The following SYNE2 variants were observed in gnomAD, a reference collection of about 807,000 sequenced individuals.
SYNE2 encodes the protein nesprin-2.
SYNE2 carries 431 observed loss-of-function variants against 856.3 expected under a neutral mutation model. That is an observed-to-expected ratio of 0.50 (90% CI 0.47 to 0.55). The LOEUF (loss-of-function observed/expected upper bound fraction) is 0.55. SYNE2 is among the 20% of genes least tolerant of loss of function. SYNE2 has a pLI of 0.00. For synonymous variants in SYNE2, 2,923 were observed against 2,872.3 expected (o/e 1.02, Z -0.56); for missense variants, 8,129 against 8,023.2 (o/e 1.01, Z -0.50).
chr14:64,078,382 G>A (rs985614668), intron 54 of SYNE2, 84 bp from the exon 55 acceptor site: 25 of 1,585,658 alleles, frequency 1.6e-5, no homozygotes, highest in African/African-American at 2.7e-5. Context: ...TTAAAACAGA[G>A]TGACTACCAC....
intron 73 of SYNE2, among the ~76,000 whole-genome samples, chr14:64,127,498 G>A (rs571935672): frequency 9.2e-5 from 14 of 152,164 alleles, no homozygotes; most frequent in Non-Finnish European, 1.6e-4. Context: ...TTCATTTCTT[G>A]TATTACATTT....
rs377521714 is a variant in SYNE2 at position 64,016,496 on chromosome 14, T to C, written c.4752T>C (p.Phe1584=). ...IAEIEIVKEE[F]NEHLEVVDKI... ...AGATTGAAATTGTCAAAGAAGAATTTAATGAGCATTTAGAAGTTGTAGACA... is the reference window on the plus strand; with the variant it reads ...AGATTGAAATTGTCAAAGAAGAATTCAATGAGCATTTAGAAGTTGTAGACA... The change falls in exon 33 of 116, where the codon TTT becomes TTC. Residue 1584 remains phenylalanine, a synonymous_variant. Transcript: ENST00000555002. 1.9e-5 allele frequency: 31 copies of C among 1,593,522 alleles called. No homozygotes were observed. Among genetic ancestry groups the C allele is most frequent in the Middle Eastern group, 1.9e-4 (1 of 5,324 alleles).
chr14:63,824,470 C>A (rs2150289), intron 1 of SYNE2, among the ~76,000 whole-genome samples: 1 of 151,920 alleles, frequency 6.6e-6, no homozygotes, highest in Admixed American at 6.6e-5. Flanking sequence ...AAAACCCTAT[C>A]TCTATTAAAA....
Position 64,049,804 on chromosome 14 carries a change from A to G in SYNE2, c.7571A>G (p.Asp2524Gly). ...NKESQYCVLR[D>G]FQEYLAAVES... Reference sequence around the variant, plus strand: ...GAAAGCCAATATTGTGTCCTCAGAGATTTTCAGGAATACCTTGCTGCAGTT... The same window carrying G: ...GAAAGCCAATATTGTGTCCTCAGAGGTTTTCAGGAATACCTTGCTGCAGTT... Residue 2524 changes from aspartate (D) to glycine (G), a missense_variant, in exon 47 of 116, where the codon GAT becomes GGT. By Grantham distance (94) the Asp-to-Gly change is moderately conservative (BLOSUM62 -1). Around this residue, in one of 3 missense-constraint regions of SYNE2, gnomAD observed 5,410 missense variants for 5,284.8 expected, o/e 1.02. Transcript: ENST00000555002. 2 of 1,614,128 alleles carry G rather than the reference A, an allele frequency of 1.2e-6. No homozygotes were observed. Among genetic ancestry groups the G allele is most frequent in the South Asian group, 2.2e-5 (2 of 91,084 alleles).
chr14:64,193,220 C>T (rs1249610345), intron 99 of SYNE2, among the ~76,000 whole-genome samples: 3 of 152,192 alleles, frequency 2.0e-5, no homozygotes, highest in Non-Finnish European at 4.4e-5. Flanking sequence ...CAGTATTCTG[C>T]TTTGGCCCTG....
chr14:63,824,092 A>G (rs565029890), intron 1 of SYNE2, among the ~76,000 whole-genome samples: 4 of 152,262 alleles, frequency 2.6e-5, no homozygotes, highest in Non-Finnish European at 4.4e-5. Flanking sequence ...TAATCCCAAC[A>G]CTTTGTGAGG....
chr14:64,157,588 C>T (rs926904803), intron 85 of SYNE2, among the ~76,000 whole-genome samples: 1 of 152,120 alleles, frequency 6.6e-6, no homozygotes. Flanking sequence ...TTTTAATTCT[C>T]TTGTGTGTAT....
intron 1 of SYNE2, among the ~76,000 whole-genome samples, chr14:63,835,705 C>T (rs1209100809): frequency 6.6e-6 from 1 of 152,000 alleles, no homozygotes; most frequent in Non-Finnish European, 1.5e-5. Flanking sequence ...TATCCAAGGC[C>T]GGGCGTGGTG....
intron 1 of SYNE2, among the ~76,000 whole-genome samples, chr14:63,814,621 TA>T (rs1888775008): frequency 7.3e-6 from 1 of 136,762 alleles, no homozygotes; most frequent in African/African-American, 2.6e-5. Flanking sequence ...CCATATATAA[TA>T]TATATCCTTA....
At chr14:63,939,839 C>T (rs1184780864) in intron 2 of SYNE2, among the ~76,000 whole-genome samples, 1 of 152,198 alleles carries the variant, frequency 6.6e-6, no homozygotes, top group African/African-American at 2.4e-5. Flanking sequence ...ACACAGTTCT[C>T]TCTGACTAAT....
At chr14:64,003,463 C>G in intron 30 of SYNE2, 133 bp downstream of exon 30, 1 of 1,244,380 alleles carries the variant, frequency 8.0e-7, no homozygotes, top group Non-Finnish European at 1.2e-6. Flanking sequence ...GTTCAGCATT[C>G]TTTTCTGTAG....
chr14:64,018,325 C>T (rs868745506), intron 34 of SYNE2, among the ~76,000 whole-genome samples: 1 of 152,092 alleles, frequency 6.6e-6, no homozygotes, highest in Non-Finnish European at 1.5e-5. Flanking sequence ...CTGCAACCTC[C>T]GCCTCCTAGG....
At chr14:64,094,515 C>A (rs1203990596) in intron 61 of SYNE2, among the ~76,000 whole-genome samples, 1 of 151,738 alleles carries the variant, frequency 6.6e-6, no homozygotes, top group Admixed American at 6.6e-5. Flanking sequence ...TAGAGAGCTG[C>A]TTTTTTTTCT....
Position 64,170,305 on chromosome 14 carries a change from G to A in SYNE2, c.17078G>A (p.Gly5693Asp). Residue 5693 changes from glycine (G) to aspartate (D), a missense_variant, in exon 94 of 116, where the codon GGT becomes GAT. Physicochemically the swap from Gly to Asp is moderately conservative, Grantham distance 94. Transcript: ENST00000555002. Reference sequence around the variant, plus strand: ...GTCCAGGGTGTTCGGCAGAGGAAGGGTGACGTTGATGGGCTGGTGAGGCAG... The same window carrying A: ...GTCCAGGGTGTTCGGCAGAGGAAGGATGACGTTGATGGGCTGGTGAGGCAG... ...NAVQGVRQRK[G>D]DVDGLVRQWQ... 6.2e-7 allele frequency: 1 copy of A among 1,614,166 alleles called. No homozygotes were observed. Among genetic ancestry groups the A allele is most frequent in the Non-Finnish European group, 8.5e-7 (1 of 1,180,036 alleles).
chr14:64,173,805 C>T, intron 94 of SYNE2: 2 of 551,804 alleles, frequency 3.6e-6, no homozygotes, highest in South Asian at 4.9e-5. Context: ...TTTAATTTTT[C>T]CTCTAAAACC....
At chr14:63,962,230 A>G (rs1218492210) in intron 9 of SYNE2, among the ~76,000 whole-genome samples, 2 of 151,708 alleles carry the variant, frequency 1.3e-5, no homozygotes, top group East Asian at 1.9e-4. Context: ...TGATTTTTGT[A>G]TATTTGGTAG....
chr14:64,219,883 CACTT>C (rs2098686664), intron 110 of SYNE2, among the ~76,000 whole-genome samples: 1 of 152,184 alleles, frequency 6.6e-6, no homozygotes, highest in African/African-American at 2.4e-5. Context: ...TAGGATGTGT[CACTT>C]ACATAAGTCC....
chr14:64,223,506 A>C (rs995321933), intron 113 of SYNE2, 126 bp downstream of exon 113: 2 of 974,816 alleles, frequency 2.1e-6, no homozygotes, highest in African/African-American at 3.3e-5. Context: ...GTGGGGCCTC[A>C]TGTCGTGCCC....
At chr14:63,999,168 G>A (rs1048368452) in intron 27 of SYNE2, 128 bp downstream of exon 27, 9 of 932,768 alleles carry the variant, frequency 9.6e-6, no homozygotes, top group Non-Finnish European at 1.5e-5. Flanking sequence ...TCTCTTTGCT[G>A]GATTGCATTT....
Sources: allele counts gnomAD v4.1 joint callset (sites outside exome capture counted in the v4.1 genomes callset), GRCh38; gene constraint gnomAD v4.1.1; regional missense constraint gnomAD v4.1.1; transcripts MANE v1.5; gene names NCBI Gene and HGNC (gene_info 2026-07-23, HGNC 2026-07-21).